Variants in LRRC20 observed in about 807,000 individuals in gnomAD.
The protein encoded by LRRC20 is leucine rich repeat containing 20.
In LRRC20, 11 loss-of-function variants were observed where a neutral mutation model predicts 14.4. That is an observed-to-expected ratio of 0.77 (90% CI 0.48 to 1.27). The LOEUF is 1.27. LRRC20 is among the 50% of genes most tolerant of loss of function. LRRC20 has a pLI of 0.00. For missense variants in LRRC20, 219 were observed against 251.2 expected (o/e 0.87, Z 0.87); for synonymous variants, 121 against 107.3 (o/e 1.13, Z -0.79).
intron 3 of LRRC20, among the ~76,000 whole-genome samples, chr10:70,340,035 C>T (rs1290429368): frequency 2.0e-5 from 3 of 151,610 alleles, no homozygotes; most frequent in African/African-American, 4.9e-5. Context: ...GCAGGAGAAT[C>T]GCTTGAACCT....
chr10:70,323,959 T>C lies in LRRC20; in HGVS notation c.304A>G (p.Ile102Val). 6.2e-7 allele frequency: 1 copy of C among 1,614,200 alleles called. No homozygotes were observed. ...TGGAACTGGTTCCGGGACAGGTCAA[T>C]GGCCTTGAGGTGCTGCAGGGCACTG... is the stretch of plus-strand genomic sequence containing the variant. ...EVSALQHLKA[I>V]DLSRNQFQDF... Residue 102 changes from isoleucine (I) to valine (V), a missense_variant, in exon 4 of 5, where the codon ATT (isoleucine) becomes GTT (valine). Ile to Val is a conservative substitution (Grantham distance 29, BLOSUM62 3). Coordinates refer to ENST00000446961, the MANE Select transcript of LRRC20 (RefSeq NM_001278212.2).
At chr10:70,318,439 G>A (rs1414448412) in intron 4 of LRRC20, among the ~76,000 whole-genome samples, 5 of 152,222 alleles carry the variant, frequency 3.3e-5, no homozygotes, top group Admixed American at 3.3e-4. Flanking sequence ...CATCCTATAT[G>A]ACACAGATAC....
chr10:70,343,194 G>T (rs1279604441), intron 2 of LRRC20, among the ~76,000 whole-genome samples: 4 of 152,116 alleles, frequency 2.6e-5, no homozygotes, highest in African/African-American at 9.7e-5. Flanking sequence ...CTCATATAAT[G>T]CGAACAAGAC....
At chr10:70,351,440 C>A (rs1251222835) in intron 2 of LRRC20, among the ~76,000 whole-genome samples, 1 of 152,168 alleles carries the variant, frequency 6.6e-6, no homozygotes, top group African/African-American at 2.4e-5. Context: ...GCTCCCTCCT[C>A]CTTCCATAGA....
In LRRC20 at chr10:70,324,012, T is replaced by C; in HGVS notation, c.251A>G (p.Asn84Ser). 1.2e-6 allele frequency: 2 copies of C among 1,613,872 alleles called. No individual in the cohort carries two copies. The highest frequency in any genetic ancestry group is 1.7e-6 in the Non-Finnish European group (2 of 1,179,946). The change falls in exon 4 of 5, where the codon AAC becomes AGC. Residue 84 changes from asparagine (N) to serine (S), a missense_variant. By Grantham distance (46) the Asn-to-Ser change is conservative. Coordinates refer to ENST00000446961, the MANE Select transcript of LRRC20 (RefSeq NM_001278212.2). Reference sequence around the variant, plus strand: ...CTCGCTGGGGAGGCGGTGTAGGAAGTTCCCCTCCAGGTGGAGCTCTGCCAC... The same window carrying C: ...CTCGCTGGGGAGGCGGTGTAGGAAGCTCCCCTCCAGGTGGAGCTCTGCCAC... Reference protein sequence around the residue: ...SQLRELHLEGNFLHRLPSEVS... With the variant: ...SQLRELHLEGSFLHRLPSEVS...
intron 2 of LRRC20, among the ~76,000 whole-genome samples, chr10:70,372,513 C>T (rs962423645): frequency 6.8e-6 from 1 of 147,600 alleles, no homozygotes; most frequent in Non-Finnish European, 1.5e-5. Flanking sequence ...GCAATCTCAG[C>T]TCACTGCAGG....
intron 4 of LRRC20, among the ~76,000 whole-genome samples, chr10:70,304,411 A>T (rs1042935263): frequency 6.7e-6 from 1 of 148,482 alleles, no homozygotes; most frequent in Non-Finnish European, 1.5e-5. Context: ...AATGGATATT[A>T]TACACATATT....
At chr10:70,304,470 T>TTATATAGATATATAGA (rs1554835659) in intron 4 of LRRC20, among the ~76,000 whole-genome samples, 1 of 113,826 alleles carries the variant, frequency 8.8e-6, no homozygotes, top group African/African-American at 3.0e-5. Flanking sequence ...GGCCACTTCT[T>TTATATAGATATATAGA]TATATATATA....
At chr10:70,357,667 C>T (rs1843579034) in intron 2 of LRRC20, among the ~76,000 whole-genome samples, 1 of 152,100 alleles carries the variant, frequency 6.6e-6, no homozygotes, top group African/African-American at 2.4e-5. Flanking sequence ...AAAAAACCCT[C>T]CTTCCTGGCA....
intron 4 of LRRC20, among the ~76,000 whole-genome samples, chr10:70,306,043 G>C (rs539042627): frequency 5.9e-5 from 9 of 151,808 alleles, no homozygotes; most frequent in African/African-American, 1.7e-4. Context: ...GCCCGACCTA[G>C]ATTCGCCAAT....
At chr10:70,314,180 A>C (rs1841774911) in intron 4 of LRRC20, among the ~76,000 whole-genome samples, 1 of 152,178 alleles carries the variant, frequency 6.6e-6, no homozygotes, top group Admixed American at 6.5e-5. Flanking sequence ...TGGGAGCTAC[A>C]ATTCAAGATG....
intron 2 of LRRC20, among the ~76,000 whole-genome samples, chr10:70,364,845 A>T (rs1464211443): frequency 6.6e-6 from 1 of 152,098 alleles, no homozygotes; most frequent in Non-Finnish European, 1.5e-5. Flanking sequence ...GGAGCACATC[A>T]CATCCATGTC....
intron 4 of LRRC20, among the ~76,000 whole-genome samples, chr10:70,319,170 A>AG (rs1378872220): frequency 1.7e-5 from 2 of 115,194 alleles, no homozygotes; most frequent in Non-Finnish European, 3.9e-5. Context: ...GTGGGTGTAT[A>AG]GGGAAAAAAA....
intron 4 of LRRC20, among the ~76,000 whole-genome samples, chr10:70,321,602 C>G (rs1006417188): frequency 6.6e-6 from 1 of 152,254 alleles, no homozygotes; most frequent in African/African-American, 2.4e-5. Flanking sequence ...CAAGCTCTTT[C>G]AGGAGCAGCT....
chr10:70,313,428 G>A (rs999213044), intron 4 of LRRC20, among the ~76,000 whole-genome samples: 1 of 152,116 alleles, frequency 6.6e-6, no homozygotes, highest in African/African-American at 2.4e-5. Flanking sequence ...TTCCTCAGAA[G>A]TTCTGGCCTA....
At chr10:70,328,866 C>T (rs909698854) in intron 3 of LRRC20, among the ~76,000 whole-genome samples, 1 of 152,112 alleles carries the variant, frequency 6.6e-6, no homozygotes, top group Admixed American at 6.5e-5. Flanking sequence ...TGCAGTGAGC[C>T]AAGATCCTGC....
At chr10:70,306,138 A>C (rs577261860) in intron 4 of LRRC20, among the ~76,000 whole-genome samples, 92 of 149,680 alleles carry the variant, frequency 6.1e-4, no homozygotes, top group African/African-American at 1.0e-3. Context: ...CCCCCACCCC[A>C]CACACACACA....
At chr10:70,363,274 G>A (rs1227403518) in intron 2 of LRRC20, among the ~76,000 whole-genome samples, 1 of 151,378 alleles carries the variant, frequency 6.6e-6, no homozygotes, top group Admixed American at 6.6e-5. Flanking sequence ...GGGGAGGGGA[G>A]GGGAGAAGAA....
At chr10:70,332,758 T>C (rs1408110705) in intron 3 of LRRC20, among the ~76,000 whole-genome samples, 1 of 152,238 alleles carries the variant, frequency 6.6e-6, no homozygotes, top group Non-Finnish European at 1.5e-5. Flanking sequence ...ATATTATAAA[T>C]GCTACTATTA....
Sources: allele counts gnomAD v4.1 joint callset (sites outside exome capture counted in the v4.1 genomes callset), GRCh38; gene constraint gnomAD v4.1.1; transcripts MANE v1.5; gene names NCBI Gene and HGNC (gene_info 2026-07-23, HGNC 2026-07-21).